Variants in STXBP5 observed in about 807,000 individuals in gnomAD.
STXBP5 encodes the protein syntaxin-binding protein 5.
STXBP5 carries 50 observed loss-of-function variants against 152.4 expected under a neutral mutation model. The observed-to-expected ratio is 0.33, with a 90% CI of 0.26 to 0.42. STXBP5 has a LOEUF of 0.42. Among genes scored for constraint, STXBP5 ranks in the 10% least tolerant of loss-of-function variants. The probability of loss-of-function intolerance (pLI) is 1.00; values close to 1 mark genes in which losing one functional copy is unlikely to be tolerated. For synonymous variants in STXBP5, 492 were observed against 494.7 expected (o/e 0.99, Z 0.07); for missense variants, 1,167 against 1,388.6 (o/e 0.84, Z 2.54).
At chr6:147,380,760 A>T (rs956598426) in intron 26 of STXBP5, among the ~76,000 whole-genome samples, 1 of 152,160 alleles carries the variant, frequency 6.6e-6, no homozygotes, top group Non-Finnish European at 1.5e-5. Flanking sequence ...TGCAAATCAC[A>T]TATCTGATAT....
chr6:147,361,385 A>G (rs1221932014), intron 23 of STXBP5, among the ~76,000 whole-genome samples: 2 of 152,192 alleles, frequency 1.3e-5, no homozygotes, highest in Non-Finnish European at 2.9e-5. Context: ...AGTGAATACA[A>G]AAATAACTTT....
At chr6:147,259,736 G>A (rs1356049922) in intron 4 of STXBP5, among the ~76,000 whole-genome samples, 1 of 151,166 alleles carries the variant, frequency 6.6e-6, no homozygotes, top group East Asian at 1.9e-4. Context: ...GAAATGGGGG[G>A]GTCTGTAGGA....
chr6:147,382,965 A>G lies in STXBP5; in HGVS notation c.3381A>G (p.Ser1127=). The G allele has an allele frequency of 1.9e-6, 3 of 1,613,444 alleles. No homozygotes were observed. Among genetic ancestry groups the G allele is most frequent in the Non-Finnish European group, 2.5e-6 (3 of 1,179,622 alleles). Reference sequence around the variant, plus strand: ...AAGAAAGAACTGCGGCCATGTTATCAAGTGCAGAGTCATTTTCTAAACATG... The same window carrying G: ...AAGAAAGAACTGCGGCCATGTTATCGAGTGCAGAGTCATTTTCTAAACATG... ...DLEERTAAML[S]SAESFSKHAH... Residue 1127 remains serine, a synonymous_variant, in exon 27 of 28, where the codon TCA becomes TCG. Transcript: ENST00000321680.
intron 11 of STXBP5, 85 bp downstream of exon 11, chr6:147,311,612 C>T: frequency 2.0e-6 from 2 of 1,011,538 alleles, no homozygotes; most frequent in Non-Finnish European, 3.0e-6. Flanking sequence ...TATTTCATTT[C>T]TTTGAAAACT....
intron 2 of STXBP5, among the ~76,000 whole-genome samples, chr6:147,223,641 A>G (rs1032999157): frequency 4.6e-5 from 7 of 152,210 alleles, no homozygotes; most frequent in African/African-American, 1.7e-4. Context: ...TGGAGCTGAA[A>G]AAACCAAAAT....
intron 9 of STXBP5, among the ~76,000 whole-genome samples, chr6:147,302,060 A>G (rs761008393): frequency 8.5e-5 from 13 of 152,202 alleles, no homozygotes; most frequent in Non-Finnish European, 4.4e-5. Flanking sequence ...GGACTTATCC[A>G]TGACTCAATT....
At chr6:147,357,777 G>A (rs1784879820) in intron 22 of STXBP5, among the ~76,000 whole-genome samples, 1 of 152,094 alleles carries the variant, frequency 6.6e-6, no homozygotes, top group African/African-American at 2.4e-5. Context: ...CATCTTAAGT[G>A]TTTCTCCCTA....
rs183825469 is a variant in STXBP5 at position 147,282,128 on chromosome 6, A to G, written c.838+3924A>G. On this transcript the variant is annotated intron_variant, in intron 8 of 27. Coordinates refer to ENST00000321680, the MANE Select transcript of STXBP5 (RefSeq NM_001127715.4). Reference sequence around the variant, plus strand: ...ATTCATATATGGCTCTAGGAAGTGTAGGTGTGGAACTTGTTATTTACTTGG... The same window carrying G: ...ATTCATATATGGCTCTAGGAAGTGTGGGTGTGGAACTTGTTATTTACTTGG... Among the ~76,000 whole-genome samples the G allele has an allele frequency of 2.6e-5, 4 of 152,354 alleles. No individual in the cohort carries two copies. The East Asian group carries it at 5.8e-4, about 22-fold the overall frequency.
In STXBP5 at chr6:147,389,831, A is replaced by G. The variant is rs568465473; in HGVS notation, c.*5076A>G. The G allele has an allele frequency of 6.7e-6, 1 of 149,598 alleles. No homozygotes were observed. Among genetic ancestry groups the G allele is most frequent in the South Asian group, 2.1e-4 (1 of 4,812 alleles). 9.3% of individuals were successfully genotyped at this position (149,598 alleles called of 1,614,324 possible). On this transcript the variant is annotated 3_prime_UTR_variant, in exon 28 of 28. Coordinates refer to ENST00000321680, the MANE Select transcript of STXBP5 (RefSeq NM_001127715.4). Reference sequence around the variant, plus strand: ...GGTAAATCTTGTTTTAATTTTTTTAACTTTTTTTTTTTGTAAATAAATAGT... The same window carrying G: ...GGTAAATCTTGTTTTAATTTTTTTAGCTTTTTTTTTTTGTAAATAAATAGT...
In STXBP5 at chr6:147,204,618, C is replaced by T. The variant is rs1422922387; in HGVS notation, c.86C>T (p.Pro29Leu). ...SASQQQQQQH[P>L]PGNREPEIQE... ...TCGCAGCAGCAACAGCAGCAGCATC[C>T]GCCTGGGAACCGGGAGCCGGAGATC... The change falls in exon 1 of 28, where the codon CCG (proline) becomes CTG (leucine). Residue 29 changes from proline to leucine, a missense_variant. By Grantham distance (98) the Pro-to-Leu change is moderately conservative. Transcript: ENST00000321680. This position sits in a 1 kb window ranked among gnomAD's most constrained non-coding sequence, Gnocchi z 4.3. 2 of 1,610,894 alleles carry T rather than the reference C, an allele frequency of 1.2e-6. No homozygotes were observed. The highest frequency in any genetic ancestry group is 8.5e-7 in the Non-Finnish European group (1 of 1,178,470).
chr6:147,334,435 T>A (rs1469687262), intron 19 of STXBP5, among the ~76,000 whole-genome samples: 1 of 152,222 alleles, frequency 6.6e-6, no homozygotes, highest in Non-Finnish European at 1.5e-5. Flanking sequence ...AAACTTTACC[T>A]GCTGAGAATC....
chr6:147,358,902 A>G (rs1301373034), intron 22 of STXBP5, among the ~76,000 whole-genome samples, 182 bp from the exon 23 acceptor site: 7 of 152,130 alleles, frequency 4.6e-5, no homozygotes, highest in African/African-American at 1.7e-4. Context: ...TCCATGTGTA[A>G]GTGGACTTGT....
chr6:147,348,613 T>C (rs903707264), intron 21 of STXBP5, among the ~76,000 whole-genome samples: 5 of 152,174 alleles, frequency 3.3e-5, no homozygotes, highest in African/African-American at 1.2e-4. Context: ...TTAATATACC[T>C]TTGAAAAAAT....
chr6:147,266,771 G>A (rs1245293854), intron 6 of STXBP5, among the ~76,000 whole-genome samples: 1 of 152,094 alleles, frequency 6.6e-6, no homozygotes, highest in Non-Finnish European at 1.5e-5. Context: ...TTACCTCATA[G>A]TGTGTAGAAT....
At chr6:147,312,921 A>G (rs1014053664) in intron 11 of STXBP5, among the ~76,000 whole-genome samples, 2 of 152,210 alleles carry the variant, frequency 1.3e-5, no homozygotes, top group Admixed American at 1.3e-4. Flanking sequence ...CAAAGAAAAT[A>G]CTATGCAAGT....
intron 21 of STXBP5, among the ~76,000 whole-genome samples, chr6:147,340,356 C>G (rs1784035485): frequency 6.6e-6 from 1 of 151,812 alleles, no homozygotes; most frequent in South Asian, 2.1e-4. Context: ...ACTGTTAGCC[C>G]CTTGTCATTT....
rs1041200209 is a variant in STXBP5 at position 147,385,001 on chromosome 6, C to T, written c.*246C>T. The stretch of plus-strand genomic sequence containing the variant: ...CCATTTGGGAATTAAACAGGTCACA[C>T]GTGACAGATGAAGAAACCAAGGGGG... On this transcript the variant is annotated 3_prime_UTR_variant, in exon 28 of 28. Coordinates refer to ENST00000321680, the MANE Select transcript of STXBP5 (RefSeq NM_001127715.4). 3.3e-5 allele frequency: 16 copies of T among 477,766 alleles called. No homozygotes were observed. The highest frequency in any genetic ancestry group is 4.9e-5 in the Non-Finnish European group (13 of 266,150). 29.6% of individuals were successfully genotyped at this position (477,766 alleles called of 1,614,324 possible).
chr6:147,317,732 T>C (rs999204103), intron 16 of STXBP5, among the ~76,000 whole-genome samples: 1 of 152,190 alleles, frequency 6.6e-6, no homozygotes, highest in Admixed American at 6.5e-5. Context: ...TACACACTTA[T>C]AACTGTAGTT....
rs112508317 is a variant in STXBP5, at chr6:147,334,071, G to A, written c.2081-86G>A. ...TTTATTGGGTTCTTTTAAATGGACA[G>A]TAGTTAAATGTGTACTATAAATAAA... is the stretch of plus-strand genomic sequence containing the variant. On this transcript the variant is annotated intron_variant, in intron 18 of 27. Coordinates refer to ENST00000321680, the MANE Select transcript of STXBP5 (RefSeq NM_001127715.4). The A allele has an allele frequency of 5.9e-5, 75 of 1,280,656 alleles. No individual in the cohort carries two copies. The African/African-American group carries it at 7.3e-4, about 12-fold the overall frequency. 79.3% of individuals were successfully genotyped at this position (1,280,656 alleles called of 1,614,324 possible).
Sources: allele counts gnomAD v4.1 joint callset (sites outside exome capture counted in the v4.1 genomes callset), GRCh38; gene constraint gnomAD v4.1.1; non-coding constraint Gnocchi (gnomAD v3.1); transcripts MANE v1.5; gene names NCBI Gene and HGNC (gene_info 2026-07-23, HGNC 2026-07-21).